The following ARHGAP21 variants were observed in gnomAD, a reference collection of about 807,000 sequenced individuals.
ARHGAP21 encodes the protein Rho GTPase activating protein 21, also known as rho GTPase-activating protein 21.
ARHGAP21 carries 38 observed loss-of-function variants against 164.6 expected under a neutral mutation model. The observed-to-expected ratio is 0.23, with a 90% CI of 0.18 to 0.30. The LOEUF (loss-of-function observed/expected upper bound fraction) is 0.30, where lower values mean the gene tolerates loss of function less well. ARHGAP21 is among the 10% of genes least tolerant of loss of function. The pLI, the probability that ARHGAP21 is intolerant of heterozygous loss-of-function variation, is 1.00. For missense variants in ARHGAP21, 1,822 were observed against 2,370.7 expected, an observed-to-expected ratio of 0.77 and a Z score of 4.81; for synonymous variants, 766 against 857.9, an observed-to-expected ratio of 0.89 and a Z score of 1.87.
intron 2 of ARHGAP21, among the ~76,000 whole-genome samples, chr10:24,681,165 G>A (rs968404590): frequency 1.4e-4 from 22 of 152,084 alleles, no homozygotes; most frequent in East Asian, 7.7e-4. Flanking sequence ...AATGCAAACC[G>A]GCATCCCAAA....
chr10:24,706,615 T>G (rs1357545561), intron 2 of ARHGAP21: 27 of 152,660 alleles, frequency 1.8e-4, no homozygotes, highest in Non-Finnish European at 1.5e-5. Context: ...TAGCACAGTC[T>G]GCATCTCTTC....
At position 24,607,619 on chromosome 10, in the gene ARHGAP21, C is replaced by G. The variant is rs1271778597; in HGVS notation, c.2582-18G>C. On this transcript the variant is annotated intron_variant, in intron 10 of 25. Coordinates refer to ENST00000396432, the MANE Select transcript of ARHGAP21 (RefSeq NM_020824.4). ...AACAGATTCTGTAATTAATTAAAAT[C>G]CAATATTTAGACATTCACAAGTGGT... The G allele has an allele frequency of 6.2e-7, 1 of 1,612,720 alleles. No individual in the cohort carries two copies. The highest frequency in any genetic ancestry group is 1.3e-5 in the African/African-American group (1 of 75,004).
chr10:24,616,069 C>A (rs1833919819), intron 9 of ARHGAP21, among the ~76,000 whole-genome samples: 1 of 152,130 alleles, frequency 6.6e-6, no homozygotes, highest in African/African-American at 2.4e-5. Flanking sequence ...CAAGCCACTG[C>A]ACCCGGACTA....
intron 17 of ARHGAP21, 66 bp from the exon 18 acceptor site, chr10:24,596,109 C>CT: frequency 7.5e-7 from 1 of 1,335,610 alleles, no homozygotes; most frequent in Non-Finnish European, 1.0e-6. Flanking sequence ...TATATCACAG[C>CT]TAAAATGCCC....
At chr10:24,600,616 G>T in intron 14 of ARHGAP21, 30 bp downstream of exon 14, 3 of 1,602,908 alleles carry the variant, frequency 1.9e-6, no homozygotes, top group Non-Finnish European at 2.6e-6. Flanking sequence ...GAAAGGGTCA[G>T]ATTTCTCCAG....
Position 24,648,327 on chromosome 10 carries a change from G to C in ARHGAP21, c.269-13224C>G, listed in dbSNP as rs905010473. On this transcript the variant is annotated intron_variant, in intron 4 of 25. Coordinates refer to ENST00000396432, the MANE Select transcript of ARHGAP21 (RefSeq NM_020824.4). ...AGTAGAATTTTCCAGTAGAGAATTA[G>C]GGAAAAGGTCTATAGCTTTCGAAAA... is the stretch of plus-strand genomic sequence containing the variant. Among the ~76,000 whole-genome samples the C allele has an allele frequency of 7.9e-5, 12 of 152,288 alleles. No individual in the cohort carries two copies. The East Asian group carries it at 2.3e-3, about 29-fold the overall frequency.
chr10:24,697,164 G>C (rs1468679848), intron 2 of ARHGAP21, among the ~76,000 whole-genome samples: 2 of 152,080 alleles, frequency 1.3e-5, no homozygotes, highest in Admixed American at 1.3e-4. Flanking sequence ...AAAGGTGAAA[G>C]TGATGACCCA....
In ARHGAP21 at chr10:24,600,646, C is replaced by T. The variant is rs779169277; in HGVS notation, c.3132G>A (p.Glu1044=). Residue 1044 remains glutamate (E), a splice_region_variant and synonymous_variant, in exon 14 of 26, where the codon GAG becomes GAA. Transcript: ENST00000396432. The stretch of plus-strand genomic sequence containing the variant: ...CTCCAGCATTCCTTTGAACACCCAC[C>T]TCTTCGTTTAGGTTGCTGCTCTCCT... ...TIQESSNLNE[E]DTGVTNRDLI... 1 of 1,611,900 alleles carries T rather than the reference C, an allele frequency of 6.2e-7. No individual in the cohort carries two copies. Among genetic ancestry groups the T allele is most frequent in the Non-Finnish European group, 8.5e-7 (1 of 1,178,334 alleles).
chr10:24,723,803 G>T lies in ARHGAP21; in HGVS notation c.-622C>A, dbSNP rs1488739840. 2.0e-5 allele frequency: 3 copies of T among 148,146 alleles called. No homozygotes were observed. The highest frequency in any genetic ancestry group is 3.0e-5 in the Non-Finnish European group (2 of 66,700). 9.2% of individuals were successfully genotyped at this position (148,146 alleles called of 1,614,324 possible). A position where few individuals can be genotyped will look rare whatever the true frequency, so the allele number is the denominator to read the frequency against. ...CCGCCGCAGGAGGGCGTGGGGCGGG[G>T]CGGCGGCCGCCGGACTCTCCCCTCG... On this transcript the variant is annotated 5_prime_UTR_variant, in exon 1 of 26. Transcript: ENST00000396432.
intron 2 of ARHGAP21, among the ~76,000 whole-genome samples, chr10:24,672,522 T>C (rs1473276697): frequency 2.0e-5 from 3 of 152,312 alleles, no homozygotes; most frequent in Middle Eastern, 3.4e-3. Flanking sequence ...TATTCCCAAA[T>C]CTGTATTTCT....
At position 24,607,645 on chromosome 10, in the gene ARHGAP21, T is replaced by G. The variant is rs190025598; in HGVS notation, c.2582-44A>C. The stretch of plus-strand genomic sequence containing the variant: ...CAATATTTAGACATTCACAAGTGGT[T>G]CCCAGATTCTTTTAACGGTGGAAAC... On this transcript the variant is annotated intron_variant, in intron 10 of 25. Coordinates refer to ENST00000396432, the MANE Select transcript of ARHGAP21 (RefSeq NM_020824.4). 21 of 1,610,592 alleles carry G rather than the reference T, an allele frequency of 1.3e-5. No homozygotes were observed. In the African/African-American group the frequency reaches 2.4e-4, roughly 18 times the overall value.
At chr10:24,645,777 T>C (rs1837509811) in intron 4 of ARHGAP21, among the ~76,000 whole-genome samples, 1 of 151,964 alleles carries the variant, frequency 6.6e-6, no homozygotes. Flanking sequence ...ATAAAGAAAA[T>C]AAAGTTTCTG....
intron 21 of ARHGAP21, among the ~76,000 whole-genome samples, chr10:24,593,161 A>T (rs987272814): frequency 2.6e-5 from 4 of 152,232 alleles, no homozygotes; most frequent in Non-Finnish European, 4.4e-5. Context: ...CTAACATGTT[A>T]ACTAGTAGTG....
chr10:24,605,964 T>C (rs1331826508), intron 11 of ARHGAP21, among the ~76,000 whole-genome samples: 4 of 152,076 alleles, frequency 2.6e-5, no homozygotes, highest in Non-Finnish European at 5.9e-5. Context: ...TACATATGAC[T>C]TAGTATATAA....
At chr10:24,669,477 G>A (rs1406442210) in intron 3 of ARHGAP21, among the ~76,000 whole-genome samples, 1 of 152,088 alleles carries the variant, frequency 6.6e-6, no homozygotes, top group African/African-American at 2.4e-5. Context: ...TTATACTATT[G>A]TGTAATAGTT....
chr10:24,605,686 T>C (rs2076994005), intron 11 of ARHGAP21: 1 of 152,170 alleles, frequency 6.6e-6, no homozygotes, highest in Non-Finnish European at 1.5e-5. Flanking sequence ...AGGTTCAGTA[T>C]CATAAAGATG....
chr10:24,664,568 AATAAT>A (rs1565125289), intron 4 of ARHGAP21, among the ~76,000 whole-genome samples: 45 of 146,196 alleles, frequency 3.1e-4, no homozygotes, highest in African/African-American at 8.7e-4. Context: ...AAAAAAAAAT[AATAAT>A]AATAATAATA....
chr10:24,604,064 G>T (rs56033043), intron 12 of ARHGAP21, among the ~76,000 whole-genome samples: 17 of 151,868 alleles, frequency 1.1e-4, no homozygotes, highest in Admixed American at 1.3e-4. Flanking sequence ...GGGGGTGTTG[G>T]GGGGAAGCCA....
At chr10:24,634,383 T>C (rs1384208728) in intron 5 of ARHGAP21, among the ~76,000 whole-genome samples, 1 of 152,208 alleles carries the variant, frequency 6.6e-6, no homozygotes, top group East Asian at 1.9e-4. Flanking sequence ...ATAATTCCCA[T>C]TTTAAATTGT....
Sources: gnomAD v4.1 joint callset for allele counts (sites outside exome capture counted in the v4.1 genomes callset) on GRCh38, gnomAD v4.1.1 for gene constraint, MANE v1.5 for transcripts, NCBI Gene and HGNC (gene_info 2026-07-23, HGNC 2026-07-21) for gene names.